CRACD: variants seen among roughly 807,000 people sequenced by gnomAD.
CRACD encodes the protein capping protein-inhibiting regulator of actin dynamics.
A neutral mutation model predicts 106.8 loss-of-function variants in CRACD; 56 were observed. That is an observed-to-expected ratio of 0.52 (90% CI 0.42 to 0.66). The LOEUF (loss-of-function observed/expected upper bound fraction) is 0.66. Among genes scored for constraint, CRACD ranks in the 30% least tolerant of loss-of-function variants. CRACD has a pLI of 0.00. For missense variants in CRACD, 1,730 were observed against 1,623.2 expected, an observed-to-expected ratio of 1.07 and a Z score of -1.13; for synonymous variants, 754 against 670.8, an observed-to-expected ratio of 1.12 and a Z score of -1.92.
chr4:56,304,176 T>A (rs1170426009), intron 4 of CRACD, among the ~76,000 whole-genome samples: 1 of 152,182 alleles, frequency 6.6e-6, no homozygotes, highest in Non-Finnish European at 1.5e-5. Flanking sequence ...CTGCTCCCTC[T>A]TCTTGCCTAT....
chr4:56,139,485 A>C (rs1361595184), intron 1 of CRACD, among the ~76,000 whole-genome samples: 1 of 152,238 alleles, frequency 6.6e-6, no homozygotes, highest in Non-Finnish European at 1.5e-5. Flanking sequence ...TAAACCTTGC[A>C]ACTGGCAAGC....
rs10018803 is a variant in CRACD at position 56,314,105 on chromosome 4, C to A, written c.603C>A (p.Gly201=). ...RPCLDQNGHP[G]EDKPTWHEEE... ...GCCTGGACCAGAACGGACACCCAGG[C>A]GAGGACAAGCCAACGTGGCACGAAG... Residue 201 remains glycine (G), a synonymous_variant, in exon 8 of 11, where the codon GGC becomes GGA. Coordinates refer to ENST00000682029, the MANE Select transcript of CRACD (RefSeq NM_001393381.1). This position sits in a 1 kb window ranked among gnomAD's most constrained non-coding sequence, Gnocchi z 4.4. 3 of 1,614,000 alleles carry A rather than the reference C, an allele frequency of 1.9e-6. No individual in the cohort carries two copies. Among genetic ancestry groups the A allele is most frequent in the Middle Eastern group, 1.6e-4 (1 of 6,084 alleles).
chr4:56,263,040 A>G (rs566292632), intron 2 of CRACD, among the ~76,000 whole-genome samples: 1 of 152,198 alleles, frequency 6.6e-6, no homozygotes, highest in Non-Finnish European at 1.5e-5. Flanking sequence ...CACAAGGCAC[A>G]GTCCCTGGGA....
intron 1 of CRACD, among the ~76,000 whole-genome samples, chr4:56,144,570 T>G (rs1166296313): frequency 6.6e-6 from 1 of 152,174 alleles, no homozygotes; most frequent in Non-Finnish European, 1.5e-5. Flanking sequence ...TCCTGGTTAT[T>G]TTTTATTTTT....
intron 1 of CRACD, among the ~76,000 whole-genome samples, chr4:56,063,060 GA>G (rs1279060249): frequency 3.0e-5 from 4 of 133,670 alleles, no homozygotes; most frequent in African/African-American, 1.3e-4. Flanking sequence ...CTTAAGCAAG[GA>G]AGGAAGAAAG....
At chr4:56,108,824 C>T (rs190631877) in intron 1 of CRACD, among the ~76,000 whole-genome samples, 2 of 152,316 alleles carry the variant, frequency 1.3e-5, no homozygotes, top group East Asian at 3.9e-4. Context: ...GACTTTAAGA[C>T]TTTCACTATT....
At position 56,330,172 on chromosome 4, in the gene CRACD, C is replaced by T. The variant is rs10007943; in HGVS notation, c.*2368C>T. Among the ~76,000 whole-genome samples the T allele has an allele frequency of 0.98, 149,730 of 152,062 alleles. 73,769 individuals are homozygous for T. The highest frequency in any genetic ancestry group is 1 in the East Asian group (5,186 of 5,186). ...AAGACTTTTTTTTTAAATGAATGATCACTATGTTAAATGCAAACTTTTTTT... is the reference window on the plus strand; with the variant it reads ...AAGACTTTTTTTTTAAATGAATGATTACTATGTTAAATGCAAACTTTTTTT... On this transcript the variant is annotated 3_prime_UTR_variant, in exon 11 of 11. Transcript: ENST00000682029.
chr4:56,149,277 C>T (rs888275585), intron 1 of CRACD, among the ~76,000 whole-genome samples: 3 of 152,294 alleles, frequency 2.0e-5, no homozygotes, highest in South Asian at 4.1e-4. Context: ...TTGATCTCAA[C>T]TCTGTTTCTA....
At chr4:56,065,009 G>A (rs768993626) in intron 1 of CRACD, among the ~76,000 whole-genome samples, 1 of 151,526 alleles carries the variant, frequency 6.6e-6, no homozygotes, top group Non-Finnish European at 1.5e-5. Context: ...GGCAGTGGGT[G>A]GAGGAGAAAA....
chr4:56,052,003 A>G (rs1001520924), intron 1 of CRACD, among the ~76,000 whole-genome samples: 2 of 152,238 alleles, frequency 1.3e-5, no homozygotes, highest in Non-Finnish European at 2.9e-5. Context: ...ACTCAGTGTC[A>G]GCTAATTTTT....
At chr4:56,125,616 T>C (rs1485007298) in intron 1 of CRACD, among the ~76,000 whole-genome samples, 1 of 152,020 alleles carries the variant, frequency 6.6e-6, no homozygotes. Flanking sequence ...GGGATCTTAC[T>C]GTGTTGTCCA....
At chr4:56,156,547 T>C (rs930074739) in intron 1 of CRACD, among the ~76,000 whole-genome samples, 4 of 152,158 alleles carry the variant, frequency 2.6e-5, no homozygotes, top group Non-Finnish European at 5.9e-5. Flanking sequence ...TTGTGACCAT[T>C]TGGGTTTTCT....
intron 2 of CRACD, among the ~76,000 whole-genome samples, chr4:56,185,440 C>T (rs1158294828): frequency 2.0e-5 from 3 of 152,168 alleles, no homozygotes; most frequent in Non-Finnish European, 4.4e-5. Context: ...TTTCTAGATA[C>T]TTTATATAAA....
In CRACD at chr4:56,146,398, T is replaced by TTTTTA. The variant is rs148047936; in HGVS notation, c.-335-32861_-335-32857dup. Among the ~76,000 whole-genome samples, 749 of 151,184 alleles carry TTTTTA rather than the reference T, an allele frequency of 5.0e-3. 11 individuals carry two copies. The highest frequency in any genetic ancestry group is 0.016 in the African/African-American group (664 of 41,362). ...CAAGTTTTCTTTGCCATGTATCTCT[T>TTTTTA]TTTTATTTTATTTTATTTTATTTTA... is the stretch of plus-strand genomic sequence containing the variant. On this transcript the variant is annotated intron_variant, in intron 1 of 10. Transcript: ENST00000682029.
intron 10 of CRACD, 108 bp downstream of exon 10, chr4:56,324,374 A>T: frequency 9.7e-7 from 1 of 1,030,094 alleles, no homozygotes; most frequent in Non-Finnish European, 1.4e-6. Context: ...AGGCATTTCA[A>T]AGCACAGGCT....
At chr4:56,291,516 A>G (rs6833800) in intron 3 of CRACD, among the ~76,000 whole-genome samples, 82,402 of 151,984 alleles carry the variant, frequency 0.54, 23,143 homozygotes, top group Middle Eastern at 0.73. Context: ...AACTTTGGGC[A>G]ATATTTTTAC....
chr4:56,206,403 A>G (rs993605651), intron 2 of CRACD, among the ~76,000 whole-genome samples: 17 of 152,174 alleles, frequency 1.1e-4, no homozygotes, highest in African/African-American at 4.1e-4. Context: ...CTTTAAGCAC[A>G]CATCCTGGAA....
At chr4:56,260,219 C>T (rs1426136840) in intron 2 of CRACD, among the ~76,000 whole-genome samples, 1 of 152,156 alleles carries the variant, frequency 6.6e-6, no homozygotes, top group African/African-American at 2.4e-5. Flanking sequence ...CCTTTGTTAT[C>T]CACTTATCAT....
rs1383670705 is a variant in CRACD at position 56,329,817 on chromosome 4, A to T, written c.*2013A>T. On this transcript the variant is annotated 3_prime_UTR_variant, in exon 11 of 11. Coordinates refer to ENST00000682029, the MANE Select transcript of CRACD (RefSeq NM_001393381.1). The stretch of plus-strand genomic sequence containing the variant: ...CCTGTCAGCTTTGGACAATATCCCA[A>T]TTATGGCAGGGAACAGGTGGGGAAC... Among the ~76,000 whole-genome samples the T allele has an allele frequency of 6.6e-6, 1 of 152,198 alleles. No individual in the cohort carries two copies. The highest frequency in any genetic ancestry group is 1.5e-5 in the Non-Finnish European group (1 of 68,044).
Sources: allele counts gnomAD v4.1 joint callset (sites outside exome capture counted in the v4.1 genomes callset), GRCh38; gene constraint gnomAD v4.1.1; non-coding constraint Gnocchi (gnomAD v3.1); transcripts MANE v1.5; gene names NCBI Gene and HGNC (gene_info 2026-07-23, HGNC 2026-07-21).